LRMDA: variants seen among roughly 807,000 people sequenced by gnomAD.
LRMDA encodes the protein leucine-rich melanocyte differentiation-associated protein.
In LRMDA, 18 loss-of-function variants were observed where a neutral mutation model predicts 29.8. That is an observed-to-expected ratio of 0.60 (90% CI 0.42 to 0.90). The LOEUF (loss-of-function observed/expected upper bound fraction) is 0.90. Ranked by LOEUF, LRMDA falls within the 40% of genes least tolerant of loss-of-function variation. The probability of loss-of-function intolerance (pLI) is 0.00; values close to 1 mark genes in which losing one functional copy is unlikely to be tolerated. For missense variants in LRMDA, 273 were observed against 273.9 expected (o/e 1.00, Z 0.02); for synonymous variants, 125 against 109.4 (o/e 1.14, Z -0.89).
chr10:76,336,834 A>C (rs563694784), intron 6 of LRMDA, among the ~76,000 whole-genome samples: 5 of 152,346 alleles, frequency 3.3e-5, no homozygotes, highest in Non-Finnish European at 1.5e-5. Flanking sequence ...AAAGAGGATA[A>C]GATGCAGTCC....
chr10:76,061,618 T>C (rs1276659203), intron 5 of LRMDA, among the ~76,000 whole-genome samples: 1 of 152,206 alleles, frequency 6.6e-6, no homozygotes, highest in Non-Finnish European at 1.5e-5. Flanking sequence ...AGTCACATGA[T>C]TTCCAGACCA....
chr10:75,629,603 G>A (rs1271370876), intron 2 of LRMDA, among the ~76,000 whole-genome samples: 2 of 112,618 alleles, frequency 1.8e-5, no homozygotes, highest in Non-Finnish European at 4.0e-5. Context: ...AATTAAATGA[G>A]CATTAAGTCC....
At chr10:76,352,469 C>T (rs921942321) in intron 6 of LRMDA, among the ~76,000 whole-genome samples, 11 of 151,980 alleles carry the variant, frequency 7.2e-5, no homozygotes, top group East Asian at 1.9e-4. Flanking sequence ...ACTAAGCGGC[C>T]GATTCTATAT....
At chr10:76,035,470 G>A (rs1848225518) in intron 2 of LRMDA, among the ~76,000 whole-genome samples, 1 of 152,080 alleles carries the variant, frequency 6.6e-6, no homozygotes, top group South Asian at 2.1e-4. Context: ...GGATGTGAAC[G>A]GAGAGAAAGG....
At chr10:76,092,623 G>A (rs1399547826) in intron 5 of LRMDA, among the ~76,000 whole-genome samples, 1 of 152,178 alleles carries the variant, frequency 6.6e-6, no homozygotes, top group African/African-American at 2.4e-5. Context: ...ACCATCTCAG[G>A]TGTTTCACAG....
chr10:76,237,486 G>A (rs977878042), intron 5 of LRMDA, among the ~76,000 whole-genome samples: 1 of 152,170 alleles, frequency 6.6e-6, no homozygotes, highest in African/African-American at 2.4e-5. Context: ...ATTACACTAA[G>A]AGAACATAAG....
At chr10:76,387,452 T>G (rs1589161741) in intron 6 of LRMDA, among the ~76,000 whole-genome samples, 1 of 152,050 alleles carries the variant, frequency 6.6e-6, no homozygotes, top group East Asian at 1.9e-4. Flanking sequence ...ACTATAAAAA[T>G]TAGCTGGGCA....
intron 4 of LRMDA, among the ~76,000 whole-genome samples, chr10:76,053,734 G>T (rs1433897228): frequency 6.6e-6 from 1 of 152,186 alleles, no homozygotes; most frequent in African/African-American, 2.4e-5. Flanking sequence ...TGCACTGCAG[G>T]CATTGGGGCA....
intron 5 of LRMDA, among the ~76,000 whole-genome samples, chr10:76,194,458 G>C (rs1314865297): frequency 6.6e-6 from 1 of 152,154 alleles, no homozygotes; most frequent in African/African-American, 2.4e-5. Flanking sequence ...AAGGAATGAA[G>C]AGTAGAAAAA....
chr10:76,308,484 G>A (rs2758978), intron 5 of LRMDA, among the ~76,000 whole-genome samples: 131,585 of 152,120 alleles, frequency 0.87, 57,756 homozygotes, highest in Non-Finnish European at 0.95. Context: ...CTACTTCCAT[G>A]GACCGAGACA....
chr10:75,962,644 A>T (rs550021216), intron 2 of LRMDA, among the ~76,000 whole-genome samples: 1 of 152,340 alleles, frequency 6.6e-6, no homozygotes, highest in South Asian at 2.1e-4. Flanking sequence ...AACGTAAATG[A>T]TAATCTAGTT....
chr10:75,948,597 G>C (rs1266180735), intron 2 of LRMDA, among the ~76,000 whole-genome samples: 1 of 152,082 alleles, frequency 6.6e-6, no homozygotes, highest in Non-Finnish European at 1.5e-5. Flanking sequence ...GTTGGCGACA[G>C]ATTAAAAAGA....
At chr10:76,218,396 G>A (rs1433266795) in intron 5 of LRMDA, among the ~76,000 whole-genome samples, 3 of 152,232 alleles carry the variant, frequency 2.0e-5, no homozygotes, top group South Asian at 2.1e-4. Context: ...AAAACAGCTT[G>A]TGGTGTTCTT....
chr10:76,179,877 A>G (rs1851011386), intron 5 of LRMDA, among the ~76,000 whole-genome samples: 1 of 152,214 alleles, frequency 6.6e-6, no homozygotes, highest in South Asian at 2.1e-4. Context: ...TGAATCAACA[A>G]GATTCTCATC....
At chr10:76,299,861 GC>G (rs1840459526) in intron 5 of LRMDA, among the ~76,000 whole-genome samples, 1 of 152,122 alleles carries the variant, frequency 6.6e-6, no homozygotes, top group Non-Finnish European at 1.5e-5. Context: ...TGAGACTCAA[GC>G]TTTGTAGGAT....
At chr10:75,618,744 A>C (rs1014526429) in intron 2 of LRMDA, among the ~76,000 whole-genome samples, 22 of 149,414 alleles carry the variant, frequency 1.5e-4, no homozygotes, top group Non-Finnish European at 2.1e-4. Flanking sequence ...AAAAGAAATT[A>C]AGGAAATCAT....
chr10:75,914,674 T>C (rs1450316665), intron 2 of LRMDA, among the ~76,000 whole-genome samples: 2 of 152,214 alleles, frequency 1.3e-5, no homozygotes, highest in Non-Finnish European at 2.9e-5. Flanking sequence ...CATCCCTCAG[T>C]TAACTAACCT....
intron 6 of LRMDA, among the ~76,000 whole-genome samples, chr10:76,460,222 A>T (rs182613880): frequency 1.3e-5 from 2 of 152,330 alleles, no homozygotes; most frequent in African/African-American, 2.4e-5. Context: ...CAGTGTTCAC[A>T]CTGCACCCTC....
chr10:76,031,304 G>A (rs562378892), intron 2 of LRMDA, among the ~76,000 whole-genome samples: 2 of 152,268 alleles, frequency 1.3e-5, no homozygotes, highest in South Asian at 2.1e-4. Context: ...CTTGCTGAAT[G>A]TTACTCTTTC....
Sources: allele counts gnomAD v4.1 joint callset (sites outside exome capture counted in the v4.1 genomes callset), GRCh38; gene constraint gnomAD v4.1.1; transcripts MANE v1.5; gene names NCBI Gene and HGNC (gene_info 2026-07-23, HGNC 2026-07-21).